The following HS6ST3 variants were observed in gnomAD, a reference collection of about 807,000 sequenced individuals.
The protein encoded by HS6ST3 is heparan sulfate 6-O-sulfotransferase 3.
In HS6ST3, 12 loss-of-function variants were observed where a neutral mutation model predicts 36.7. The ratio of observed to expected loss-of-function variants is 0.33; its 90% CI spans 0.21 to 0.53. The LOEUF (loss-of-function observed/expected upper bound fraction) is 0.53, where lower values mean the gene tolerates loss of function less well. HS6ST3 is among the 20% of genes least tolerant of loss of function. The pLI is 0.95. For synonymous variants in HS6ST3, 240 were observed against 257.5 expected (o/e 0.93, Z 0.65); for missense variants, 584 against 640.9 (o/e 0.91, Z 0.96).
intron 1 of HS6ST3, among the ~76,000 whole-genome samples, chr13:96,579,827 G>A (rs2056335082): frequency 6.6e-6 from 1 of 152,108 alleles, no homozygotes; most frequent in South Asian, 2.1e-4. Flanking sequence ...AGAGGTCATG[G>A]ACACTCACTG....
chr13:96,096,603 G>C (rs914023007), intron 1 of HS6ST3, among the ~76,000 whole-genome samples: 1 of 152,150 alleles, frequency 6.6e-6, no homozygotes, highest in Non-Finnish European at 1.5e-5. Flanking sequence ...AAGTCTGATG[G>C]TATAGACTGT....
chr13:96,559,623 G>A (rs542536104), intron 1 of HS6ST3, among the ~76,000 whole-genome samples: 6 of 152,072 alleles, frequency 3.9e-5, no homozygotes, highest in Non-Finnish European at 7.4e-5. Context: ...TTAAGCAAGC[G>A]GACTTCAGGC....
intron 1 of HS6ST3, among the ~76,000 whole-genome samples, chr13:96,663,899 G>A (rs183479328): frequency 6.6e-6 from 1 of 152,224 alleles, no homozygotes; most frequent in Admixed American, 6.5e-5. Context: ...TATATTGTAT[G>A]ATTCCATTTA....
chr13:96,136,107 G>A (rs902283285), intron 1 of HS6ST3, among the ~76,000 whole-genome samples: 8 of 152,156 alleles, frequency 5.3e-5, no homozygotes, highest in Non-Finnish European at 8.8e-5. Context: ...AGTTATCACC[G>A]TCAGGTGCAC....
In HS6ST3 at chr13:96,448,342, G is replaced by T. The variant is rs191921129; in HGVS notation, c.707+356773G>T. On this transcript the variant is annotated intron_variant, in intron 1 of 1. Transcript: ENST00000376705. ...TCATCCTTATATAGGCCACCAGAAT[G>T]TCTCTCTCTCATGTATGATCATGTT... 2.0e-5 allele frequency among the ~76,000 whole-genome samples: 3 copies of T among 152,194 alleles called. No individual in the cohort carries two copies. The East Asian group carries it at 5.8e-4, about 29-fold the overall frequency.
At chr13:96,533,695 A>T (rs1398898243) in intron 1 of HS6ST3, among the ~76,000 whole-genome samples, 6 of 152,314 alleles carry the variant, frequency 3.9e-5, no homozygotes, top group Non-Finnish European at 7.4e-5. Context: ...GCCATCAAAC[A>T]TGATGACTAA....
At chr13:96,422,396 C>T in intron 1 of HS6ST3, among the ~76,000 whole-genome samples, 1 of 152,086 alleles carries the variant, frequency 6.6e-6, no homozygotes, top group East Asian at 1.9e-4. Flanking sequence ...AAGAGGTGTT[C>T]TAGAAAATAG....
intron 1 of HS6ST3, among the ~76,000 whole-genome samples, chr13:96,436,967 T>G (rs200985802): frequency 1.2e-4 from 5 of 42,810 alleles, no homozygotes; most frequent in Non-Finnish European, 2.0e-4. Flanking sequence ...AGGGCCTCCA[T>G]TTTTTTTTTC....
intron 1 of HS6ST3, among the ~76,000 whole-genome samples, chr13:96,418,675 G>T (rs1305312463): frequency 6.6e-6 from 1 of 152,180 alleles, no homozygotes; most frequent in African/African-American, 2.4e-5. Flanking sequence ...CCATGTCCCA[G>T]GTGCTGCAAA....
chr13:96,687,202 A>C (rs934606798), intron 1 of HS6ST3, among the ~76,000 whole-genome samples: 3 of 151,976 alleles, frequency 2.0e-5, no homozygotes, highest in Non-Finnish European at 2.9e-5. Flanking sequence ...GGTGAGACCA[A>C]TTTACACATT....
chr13:96,374,503 C>T (rs1313323694), intron 1 of HS6ST3, among the ~76,000 whole-genome samples: 1 of 152,126 alleles, frequency 6.6e-6, no homozygotes, highest in Non-Finnish European at 1.5e-5. Context: ...TCCTGTAGTT[C>T]CAAGCAAGAG....
chr13:96,393,087 C>A (rs779260601), intron 1 of HS6ST3, among the ~76,000 whole-genome samples: 3 of 152,146 alleles, frequency 2.0e-5, no homozygotes, highest in Non-Finnish European at 2.9e-5. Context: ...GGGGAAGCCC[C>A]TTTCACTTGG....
intron 1 of HS6ST3, among the ~76,000 whole-genome samples, chr13:96,499,899 C>T (rs986496075): frequency 1.3e-5 from 2 of 152,102 alleles, no homozygotes; most frequent in Non-Finnish European, 1.5e-5. Context: ...GATCTGACGT[C>T]AGTGTTTTGT....
intron 1 of HS6ST3, among the ~76,000 whole-genome samples, chr13:96,111,415 G>A (rs1267674377): frequency 6.6e-6 from 1 of 152,204 alleles, no homozygotes; most frequent in African/African-American, 2.4e-5. Flanking sequence ...ACAGAATAAT[G>A]TGTGTGCCAG....
chr13:96,649,158 A>G (rs1161853959), intron 1 of HS6ST3, among the ~76,000 whole-genome samples: 1 of 152,064 alleles, frequency 6.6e-6, no homozygotes, highest in Non-Finnish European at 1.5e-5. Flanking sequence ...GTGCTAATAA[A>G]GACATAACTG....
chr13:96,390,475 C>T (rs2055390163), intron 1 of HS6ST3, among the ~76,000 whole-genome samples: 2 of 152,166 alleles, frequency 1.3e-5, no homozygotes, highest in East Asian at 3.8e-4. Flanking sequence ...CAGGACCTCA[C>T]CAGACAGTGT....
intron 1 of HS6ST3, among the ~76,000 whole-genome samples, chr13:96,592,624 C>A (rs900081318): frequency 6.6e-6 from 1 of 152,114 alleles, no homozygotes. Flanking sequence ...AATTCCTCAG[C>A]ATTTTATTTA....
chr13:96,663,760 T>C (rs777909703), intron 1 of HS6ST3, among the ~76,000 whole-genome samples: 1 of 152,180 alleles, frequency 6.6e-6, no homozygotes, highest in Non-Finnish European at 1.5e-5. Context: ...AATTTTAAAA[T>C]GTGATATATC....
chr13:96,600,478 G>C (rs2056417532), intron 1 of HS6ST3, among the ~76,000 whole-genome samples: 1 of 151,738 alleles, frequency 6.6e-6, no homozygotes, highest in African/African-American at 2.4e-5. Flanking sequence ...TCTGATATAG[G>C]AGTAGCTATT....
Sources: gnomAD v4.1 joint callset for allele counts (sites outside exome capture counted in the v4.1 genomes callset) on GRCh38, gnomAD v4.1.1 for gene constraint, MANE v1.5 for transcripts, NCBI Gene and HGNC (gene_info 2026-07-23, HGNC 2026-07-21) for gene names.